Variants in TEX35 observed in about 807,000 individuals in gnomAD.
TEX35 encodes the protein testis expressed 35.
Under a neutral mutation model 31.9 loss-of-function variants are expected in TEX35, and 26 were observed. That is an observed-to-expected ratio of 0.81 (90% CI 0.60 to 1.13). The LOEUF (loss-of-function observed/expected upper bound fraction) is 1.13, where lower values mean the gene tolerates loss of function less well. Among genes scored for constraint, TEX35 ranks in the 50% most tolerant of loss-of-function variants. The pLI, the probability that TEX35 is intolerant of heterozygous loss-of-function variation, is 0.00. For missense variants in TEX35, 278 were observed against 273.5 expected, an observed-to-expected ratio of 1.02 and a Z score of -0.12; for synonymous variants, 87 against 90.7, an observed-to-expected ratio of 0.96 and a Z score of 0.23.
rs906262333 is a variant in TEX35, at chr1:178,520,701, C to G, written c.370C>G (p.Gln124Glu). Residue 124 changes from glutamine (Q) to glutamate (E), a missense_variant, in exon 7 of 9, where the codon CAG becomes GAG. Gln to Glu is a conservative substitution (Grantham distance 29). Transcript: ENST00000319416. ...LPLRRAPKEQ[Q>E]ELRLMGKTHR... is the part of the protein sequence containing the mutation. ...CCTTAGAAGAGCACCAAAGGAGCAG[C>G]AGGAACTCAGGCTGATGGGAAAGAC... The G allele has an allele frequency of 1.2e-6, 2 of 1,613,992 alleles. No homozygotes were observed. Among genetic ancestry groups the G allele is most frequent in the Non-Finnish European group, 1.7e-6 (2 of 1,180,020 alleles).
intron 5 of TEX35, among the ~76,000 whole-genome samples, chr1:178,517,402 G>T (rs1451716508): frequency 2.0e-5 from 3 of 152,130 alleles, no homozygotes; most frequent in Admixed American, 6.5e-5. Context: ...AAATCTCCAG[G>T]GTGGGCCGGA....
intron 8 of TEX35, chr1:178,521,823 T>A: frequency 2.6e-6 from 4 of 1,534,876 alleles, no homozygotes; most frequent in Non-Finnish European, 2.6e-6. Flanking sequence ...GGGGATGTCA[T>A]GGTTTTGAGT....
chr1:178,521,846 C>T, intron 8 of TEX35: 1 of 1,514,154 alleles, frequency 6.6e-7, no homozygotes, highest in South Asian at 1.3e-5. Flanking sequence ...CAGTCCAAAA[C>T]TTGAGTGTGT....
chr1:178,517,919 T>C (rs1042876084), intron 5 of TEX35, among the ~76,000 whole-genome samples: 2 of 152,216 alleles, frequency 1.3e-5, no homozygotes, highest in South Asian at 4.1e-4. Context: ...TATATTTAAC[T>C]ATGTAAGATT....
chr1:178,520,269 T>C (rs1650216532), intron 5 of TEX35, 103 bp from the exon 6 acceptor site: 1 of 1,200,130 alleles, frequency 8.3e-7, no homozygotes, highest in Non-Finnish European at 1.2e-6. Context: ...CTAGCGAGGA[T>C]TCTTGAGGAA....
intron 2 of TEX35, among the ~76,000 whole-genome samples, 153 bp from the exon 3 acceptor site, chr1:178,514,547 A>T (rs970567485): frequency 6.6e-6 from 1 of 152,146 alleles, no homozygotes; most frequent in African/African-American, 2.4e-5. Flanking sequence ...AGGGAGGAGG[A>T]TAGAGGAACC....
chr1:178,520,402 G>C lies in TEX35; in HGVS notation c.307G>C (p.Asp103His), dbSNP rs781472263. Residue 103 changes from aspartate to histidine, a missense_variant, in exon 6 of 9, where the codon GAC (aspartate) becomes CAC (histidine). Asp to His is a moderately conservative substitution (Grantham distance 81). Transcript: ENST00000319416. ...GCAGAAAGATATGGATGAGAAGATGGACATTTTAATAAATACACAGAAGAA... is the reference window on the plus strand; with the variant it reads ...GCAGAAAGATATGGATGAGAAGATGCACATTTTAATAAATACACAGAAGAA... Reference protein sequence around the residue: ...EMQKDMDEKMDILINTQKNYK... With the variant: ...EMQKDMDEKMHILINTQKNYK... The C allele has an allele frequency of 6.2e-7, 1 of 1,614,126 alleles. No individual in the cohort carries two copies. Among genetic ancestry groups the C allele is most frequent in the Non-Finnish European group, 8.5e-7 (1 of 1,180,012 alleles).
At chr1:178,522,179 G>A in intron 8 of TEX35, 146 bp from the exon 9 acceptor site, 1 of 1,148,202 alleles carries the variant, frequency 8.7e-7, no homozygotes, top group Non-Finnish European at 1.2e-6. Flanking sequence ...CTCGAGTTCT[G>A]CCTGCACCAC....
intron 5 of TEX35, among the ~76,000 whole-genome samples, chr1:178,519,117 C>T (rs1370421418): frequency 6.6e-6 from 1 of 152,128 alleles, no homozygotes; most frequent in African/African-American, 2.4e-5. Context: ...GTTTTGTTTG[C>T]AAGGCGGCCT....
Position 178,520,789 on chromosome 1 carries a change from C to T in TEX35, c.458C>T (p.Pro153Leu). 1 of 1,614,120 alleles carries T rather than the reference C, an allele frequency of 6.2e-7. No homozygotes were observed. Among genetic ancestry groups the T allele is most frequent in the Non-Finnish European group, 8.5e-7 (1 of 1,180,014 alleles). ...MDGASGVNGA[P>L]CALHKKTMAP... ...GGAGCCAGTGGAGTCAATGGAGCACCCTGTGCTCTTCACAAGAAGACGATG... is the reference window on the plus strand; with the variant it reads ...GGAGCCAGTGGAGTCAATGGAGCACTCTGTGCTCTTCACAAGAAGACGATG... Residue 153 changes from proline to leucine, a missense_variant, in exon 7 of 9, where the codon CCC (proline) becomes CTC (leucine). By Grantham distance (98) the Pro-to-Leu change is moderately conservative. Coordinates refer to ENST00000319416, the MANE Select transcript of TEX35 (RefSeq NM_032126.5).
chr1:178,518,007 A>C (rs1353068128), intron 5 of TEX35, among the ~76,000 whole-genome samples: 5 of 152,202 alleles, frequency 3.3e-5, no homozygotes, highest in African/African-American at 7.2e-5. Context: ...ATTTTTCCAA[A>C]AATATAAGCA....
At chr1:178,522,075 C>A (rs1650307024) in intron 8 of TEX35, 1 of 649,446 alleles carries the variant, frequency 1.5e-6, no homozygotes, top group African/African-American at 1.8e-5. Context: ...TCAGGAGAGA[C>A]CCTGCTGCCT....
Position 178,522,271 on chromosome 1 carries a change from A to T in TEX35, c.587-54A>T, listed in dbSNP as rs1004149489. 7 of 1,521,562 alleles carry T rather than the reference A, an allele frequency of 4.6e-6. No individual in the cohort carries two copies. In the African/African-American group the frequency reaches 8.3e-5, roughly 18 times the overall value. 94.3% of individuals were successfully genotyped at this position (1,521,562 alleles called of 1,614,324 possible). On this transcript the variant is annotated intron_variant, in intron 8 of 8. Transcript: ENST00000319416. Reference sequence around the variant, plus strand: ...TGGGTAGCTTTCTTGGGTTCTGGGGATCCACCCTTCTCACCCCCTTGAAGG... The same window carrying T: ...TGGGTAGCTTTCTTGGGTTCTGGGGTTCCACCCTTCTCACCCCCTTGAAGG...
In TEX35 at chr1:178,522,241, G is replaced by T. The variant is rs1165006467; in HGVS notation, c.587-84G>T. 6.8e-6 allele frequency: 10 copies of T among 1,477,138 alleles called. No individual in the cohort carries two copies. In the Admixed American group the frequency reaches 2.3e-4, roughly 34 times the overall value. The allele number at this position is 1,477,138 out of a possible 1,614,324, so 91.5% of individuals were successfully genotyped here. ...AGGACTCAGGTCCCTGCTGCTCATA[G>T]GAACTGGGTAGCTTTCTTGGGTTCT... On this transcript the variant is annotated intron_variant, in intron 8 of 8. Coordinates refer to ENST00000319416, the MANE Select transcript of TEX35 (RefSeq NM_032126.5).
Position 178,520,857 on chromosome 1 carries a change from C to T in TEX35, c.526C>T (p.His176Tyr), listed in dbSNP as rs753558646. ...TKQGSLDPLH[H>Y]CGTCCEKCLL... ...ACAGGGCTCACTGGATCCCCTTCAT[C>T]ACTGTGGGACCTGCTGCGTAAGTGA... Residue 176 changes from histidine to tyrosine, a missense_variant, in exon 7 of 9, where the codon CAC becomes TAC. Transcript: ENST00000319416. The T allele has an allele frequency of 6.2e-7, 1 of 1,614,054 alleles. No individual in the cohort carries two copies.
intron 8 of TEX35, 100 bp downstream of exon 8, chr1:178,521,364 G>A (rs1650271069): frequency 1.5e-6 from 2 of 1,362,190 alleles, no homozygotes; most frequent in Admixed American, 3.4e-5. Flanking sequence ...CCCCTCCTGA[G>A]GTTGTGCCAG....
intron 5 of TEX35, among the ~76,000 whole-genome samples, chr1:178,516,997 C>T (rs1650102075): frequency 6.6e-6 from 1 of 152,142 alleles, no homozygotes; most frequent in African/African-American, 2.4e-5. Flanking sequence ...CAAAAAATTA[C>T]TAGGATGATC....
At position 178,520,892 on chromosome 1, in the gene TEX35, C is replaced by T. The variant is rs578203168; in HGVS notation, c.543+18C>T. The T allele has an allele frequency of 2.0e-5, 33 of 1,613,290 alleles. No individual in the cohort carries two copies. Among genetic ancestry groups the T allele is most frequent in the Middle Eastern group, 1.7e-4 (1 of 5,738 alleles). On this transcript the variant is annotated intron_variant, in intron 7 of 8. Transcript: ENST00000319416. The stretch of plus-strand genomic sequence containing the variant: ...CCTGCTGCGTAAGTGAAACCCTGCC[C>T]GAGCCCAGCACTGGTGCCAGACCCC...
rs1050817274 is a variant in TEX35 at position 178,515,905 on chromosome 1, A to G, written c.206A>G (p.Glu69Gly). ...GAAGAGCTCAAGGAGAAAATGGAGG[A>G]GATAAAACAGGTAAGAAGATGAGGC... ...VREELKEKMEEIKQIKDLMDK... is the reference protein window; with the variant it reads ...VREELKEKMEGIKQIKDLMDK... Residue 69 changes from glutamate to glycine, a missense_variant, in exon 4 of 9, where the codon GAG (glutamate) becomes GGG (glycine). Transcript: ENST00000319416. 1 of 1,612,374 alleles carries G rather than the reference A, an allele frequency of 6.2e-7. No homozygotes were observed. The highest frequency in any genetic ancestry group is 8.5e-7 in the Non-Finnish European group (1 of 1,178,816).
Sources: allele counts gnomAD v4.1 joint callset (sites outside exome capture counted in the v4.1 genomes callset), GRCh38; gene constraint gnomAD v4.1.1; transcripts MANE v1.5; gene names NCBI Gene and HGNC (gene_info 2026-07-23, HGNC 2026-07-21).